The following ATP2B4 variants were observed in gnomAD, a reference collection of about 807,000 sequenced individuals.
ATP2B4 encodes ATPase plasma membrane Ca2+ transporting 4.
In ATP2B4, 39 loss-of-function variants were observed where a neutral mutation model predicts 110.3. The observed-to-expected ratio is 0.35, with a 90% CI of 0.27 to 0.46. The LOEUF is 0.46. Ranked by LOEUF, ATP2B4 falls within the 20% of genes least tolerant of loss-of-function variation. The pLI is 1.00. For missense variants in ATP2B4, 1,135 were observed against 1,530.9 expected (o/e 0.74, Z 4.32); for synonymous variants, 538 against 571.7 (o/e 0.94, Z 0.84).
Position 203,714,651 on chromosome 1 carries a change from T to C in ATP2B4, c.2406+374T>C, listed in dbSNP as rs372341595. Among the ~76,000 whole-genome samples, 39 of 152,302 alleles carry C rather than the reference T, an allele frequency of 2.6e-4. No homozygotes were observed. The South Asian group carries it at 3.9e-3, about 15-fold the overall frequency. Reference sequence around the variant, plus strand: ...CTTTTCACTTCTGAGGCCAAGAGCATCAGAATCACTTGGAAAGTTCATGTG... The same window carrying C: ...CTTTTCACTTCTGAGGCCAAGAGCACCAGAATCACTTGGAAAGTTCATGTG... On this transcript the variant is annotated intron_variant, in intron 15 of 20. Coordinates refer to ENST00000357681, the MANE Select transcript of ATP2B4 (RefSeq NM_001684.5).
At chr1:203,669,009 T>C (rs1249104729) in intron 1 of ATP2B4, among the ~76,000 whole-genome samples, 10 of 152,208 alleles carry the variant, frequency 6.6e-5, no homozygotes, top group South Asian at 4.1e-4. Flanking sequence ...ATTCTTCTTA[T>C]GATCTTGGTA....
At position 203,672,352 on chromosome 1, in the gene ATP2B4, TTTTTA is replaced by T. The variant is rs1269895265; in HGVS notation, c.-464-10389_-464-10385del. Among the ~76,000 whole-genome samples the T allele has an allele frequency of 2.6e-3, 222 of 86,870 alleles. 4 individuals carry two copies. The highest frequency in any genetic ancestry group is 7.0e-3 in the African/African-American group (170 of 24,212). The allele number at this position is 86,870 out of a possible 152,430, so 57.0% of individuals were successfully genotyped here. A position where few individuals can be genotyped will look rare whatever the true frequency, so the allele number is the denominator to read the frequency against. ...TTTTTTTTTTTTTTTTTTTTTTTTT[TTTTTA>T]AAGCTGATTTAGGGGGTTGGGAAAA... On this transcript the variant is annotated intron_variant, in intron 1 of 20. Coordinates refer to ENST00000357681, the MANE Select transcript of ATP2B4 (RefSeq NM_001684.5).
intron 1 of ATP2B4, chr1:203,657,701 G>C (rs1013435371): frequency 1.3e-6 from 1 of 758,200 alleles, no homozygotes; most frequent in Non-Finnish European, 2.4e-6. Context: ...TCTTCTCATG[G>C]TAATCCAAAC....
intron 8 of ATP2B4, among the ~76,000 whole-genome samples, chr1:203,706,190 T>C (rs113864244): frequency 2.6e-5 from 4 of 152,286 alleles, no homozygotes; most frequent in African/African-American, 9.6e-5. Context: ...CTGTAATGTG[T>C]AGGGTAACCA....
chr1:203,657,562 T>G lies in ATP2B4; in HGVS notation c.-464-25180T>G. ...TTTTCATGCATCTTGATAGTCTTTT[T>G]CATTTGTATTTTCTCAGCATGACAC... On this transcript the variant is annotated intron_variant, in intron 1 of 20. Transcript: ENST00000357681. 9.1e-6 allele frequency: 8 copies of G among 875,386 alleles called. No homozygotes were observed. The East Asian group carries it at 1.7e-4, about 18-fold the overall frequency. 54.2% of individuals were successfully genotyped at this position (875,386 alleles called of 1,614,324 possible).
chr1:203,721,824 G>A lies in ATP2B4; in HGVS notation c.2812+414G>A, dbSNP rs1045897587. Reference sequence around the variant, plus strand: ...ATTACAGGCATGCGCCACCACACCCGGCTACTTTTTGTATTTTTAGTAGAG... The same window carrying A: ...ATTACAGGCATGCGCCACCACACCCAGCTACTTTTTGTATTTTTAGTAGAG... On this transcript the variant is annotated intron_variant, in intron 17 of 20. Transcript: ENST00000357681. 3.0e-4 allele frequency among the ~76,000 whole-genome samples: 45 copies of A among 151,562 alleles called. 1 individual carries two copies. Among genetic ancestry groups the A allele is most frequent in the African/African-American group, 4.6e-4 (19 of 41,250 alleles).
intron 1 of ATP2B4, among the ~76,000 whole-genome samples, chr1:203,636,669 G>A (rs960997208): frequency 6.6e-6 from 1 of 152,182 alleles, no homozygotes; most frequent in Admixed American, 6.5e-5. Context: ...GTGTAACCTT[G>A]ATTGAAGCAG....
chr1:203,714,365 C>T lies in ATP2B4; in HGVS notation c.2406+88C>T, dbSNP rs138106238. ...GCTTCTGGTTGCCTGCTGCTTGCTA[C>T]ACCTGCATAGCCCATGGGGTGCTTT... On this transcript the variant is annotated intron_variant, in intron 15 of 20. Transcript: ENST00000357681. 5.6e-4 allele frequency: 777 copies of T among 1,392,288 alleles called. 2 individuals are homozygous for T. The highest frequency in any genetic ancestry group is 2.1e-3 in the Middle Eastern group (9 of 4,256). The allele number at this position is 1,392,288 out of a possible 1,614,324, so 86.2% of individuals were successfully genotyped here.
chr1:203,629,815 G>A lies in ATP2B4; in HGVS notation c.-465+2596G>A, dbSNP rs1444051855. 6.6e-6 allele frequency among the ~76,000 whole-genome samples: 1 copy of A among 152,184 alleles called. No homozygotes were observed. Among genetic ancestry groups the A allele is most frequent in the Non-Finnish European group, 1.5e-5 (1 of 68,040 alleles). On this transcript the variant is annotated intron_variant, in intron 1 of 20. Transcript: ENST00000357681. The surrounding 1 kb of genome is among the most constrained non-coding windows in gnomAD (Gnocchi z 4.6). ...TCTCTAGATTCAAGGTCAAGTCAAAGGAGCACAGCCCGTCTTACCCCTGGG... is the reference window on the plus strand; with the variant it reads ...TCTCTAGATTCAAGGTCAAGTCAAAAGAGCACAGCCCGTCTTACCCCTGGG...
intron 1 of ATP2B4, among the ~76,000 whole-genome samples, chr1:203,639,741 C>T (rs1238582339): frequency 6.6e-6 from 1 of 152,182 alleles, no homozygotes; most frequent in East Asian, 1.9e-4. Context: ...CGGTTGGCCT[C>T]CCAGTGTTAC....
intron 15 of ATP2B4, among the ~76,000 whole-genome samples, chr1:203,719,470 G>A (rs948086829): frequency 3.3e-5 from 5 of 151,970 alleles, no homozygotes; most frequent in Admixed American, 6.6e-5. Context: ...AGCACTTTGG[G>A]AGGCCAAGGC....
chr1:203,657,310 A>G (rs903652657), intron 1 of ATP2B4: 1 of 740,294 alleles, frequency 1.4e-6, no homozygotes, highest in Non-Finnish European at 2.5e-6. Flanking sequence ...ACCCTCTTCC[A>G]TGCCTTCTTC....
chr1:203,701,048 C>A (rs1665677126), intron 6 of ATP2B4, 125 bp downstream of exon 6: 9 of 1,291,706 alleles, frequency 7.0e-6, no homozygotes, highest in Non-Finnish European at 9.4e-6. Flanking sequence ...AAGCAGATAT[C>A]CAAACTCCTT....
chr1:203,699,748 C>T (rs1216946756), intron 4 of ATP2B4, 31 bp downstream of exon 4: 6 of 1,608,840 alleles, frequency 3.7e-6, no homozygotes, highest in Non-Finnish European at 5.1e-6. Context: ...TTGCTTACCC[C>T]ACCACCACCC....
rs114358697 is a variant in ATP2B4 at position 203,698,331 on chromosome 1, G to A, written c.368G>A (p.Arg123His). The A allele has an allele frequency of 1.7e-4, 267 of 1,613,998 alleles. 2 individuals are homozygous for A. The South Asian group carries it at 1.7e-3, about 10-fold the overall frequency. Residue 123 changes from arginine to histidine, a missense_variant, in exon 3 of 21, where the codon CGC becomes CAC. Around this residue, in one of 9 missense-constraint regions of ATP2B4, gnomAD observed 101 missense variants for 182.6 expected, o/e 0.55. Coordinates refer to ENST00000357681, the MANE Select transcript of ATP2B4 (RefSeq NM_001684.5). The part of the protein sequence containing the change: ...AIISLVLSFY[R>H]PAGEENELCG... The stretch of plus-strand genomic sequence containing the variant: ...ATCTCCCTGGTCCTGTCCTTTTATC[G>A]CCCTGCTGGTGAAGAAAATGAACGT...
chr1:203,710,579 C>T (rs1463969009), intron 11 of ATP2B4, among the ~76,000 whole-genome samples: 1 of 152,180 alleles, frequency 6.6e-6, no homozygotes, highest in Non-Finnish European at 1.5e-5. Context: ...GTCTCTCTGC[C>T]TTCAAGAAGT....
chr1:203,628,356 G>T (rs1017559181), intron 1 of ATP2B4, among the ~76,000 whole-genome samples: 1 of 152,172 alleles, frequency 6.6e-6, no homozygotes, highest in Non-Finnish European at 1.5e-5. Context: ...TGCAGGAGTG[G>T]CCAGCCGCAT....
intron 20 of ATP2B4, chr1:203,733,500 T>C (rs1666794981): frequency 7.9e-7 from 1 of 1,260,158 alleles, no homozygotes; most frequent in Admixed American, 3.1e-5. Flanking sequence ...TCCTTTTGGT[T>C]TTTCCCTTTG....
chr1:203,703,692 C>G lies in ATP2B4; in HGVS notation c.978C>G (p.Leu326=). 1 of 1,614,096 alleles carries G rather than the reference C, an allele frequency of 6.2e-7. No homozygotes were observed. The highest frequency in any genetic ancestry group is 8.5e-7 in the Non-Finnish European group (1 of 1,180,000). The change falls in exon 8 of 21, where the codon CTC becomes CTG. Residue 326 remains leucine, a synonymous_variant. Transcript: ENST00000357681. ...GAGTGGCCCTGGAAATCCAGCCACTCAACAGCCAGGAGGGAATCGACAATG... is the reference window on the plus strand; with the variant it reads ...GAGTGGCCCTGGAAATCCAGCCACTGAACAGCCAGGAGGGAATCGACAATG... ...QDGVALEIQP[L]NSQEGIDNEE...
Sources: allele counts gnomAD v4.1 joint callset (sites outside exome capture counted in the v4.1 genomes callset), GRCh38; gene constraint gnomAD v4.1.1; regional missense constraint gnomAD v4.1.1; non-coding constraint Gnocchi (gnomAD v3.1); transcripts MANE v1.5; gene names NCBI Gene and HGNC (gene_info 2026-07-23, HGNC 2026-07-21).